Variants in SKA3 observed in about 807,000 individuals in gnomAD.
SKA3 encodes the protein spindle and kinetochore associated complex subunit 3, also known as spindle and kinetochore-associated protein 3.
SKA3 carries 39 observed loss-of-function variants against 44.2 expected under a neutral mutation model. The ratio of observed to expected loss-of-function variants is 0.88; its 90% CI spans 0.68 to 1.15. SKA3 has a LOEUF of 1.15. Among genes scored for constraint, SKA3 ranks in the 50% most tolerant of loss-of-function variants. SKA3 has a pLI of 0.00. For missense variants in SKA3, 511 were observed against 485.8 expected, an observed-to-expected ratio of 1.05 and a Z score of -0.49; for synonymous variants, 192 against 172.0, an observed-to-expected ratio of 1.12 and a Z score of -0.91.
chr13:21,154,789 G>T lies in SKA3; in HGVS notation c.*361C>A. 2.9e-6 allele frequency: 1 copy of T among 347,324 alleles called. No individual in the cohort carries two copies. Among genetic ancestry groups the T allele is most frequent in the Non-Finnish European group, 5.4e-6 (1 of 184,224 alleles). The allele number at this position is 347,324 out of a possible 1,614,324, so 21.5% of individuals were successfully genotyped here. On this transcript the variant is annotated 3_prime_UTR_variant, in exon 9 of 9. Transcript: ENST00000314759. ...GCTGGCTGGCAGCAATGTCTCTCTGGCCAGAAGGTCAGGGGCGGCCTCATC... is the reference window on the plus strand; with the variant it reads ...GCTGGCTGGCAGCAATGTCTCTCTGTCCAGAAGGTCAGGGGCGGCCTCATC...
At chr13:21,175,834 G>A (rs1457207653) in intron 1 of SKA3, among the ~76,000 whole-genome samples, 1 of 152,090 alleles carries the variant, frequency 6.6e-6, no homozygotes, top group Non-Finnish European at 1.5e-5. Flanking sequence ...ATGGTTTAGC[G>A]GGAAAAACAC....
At position 21,158,145 on chromosome 13, in the gene SKA3, C is replaced by T; in HGVS notation, c.916-20G>A. ...GGATACCTATTGAATAAAAATAGAC[C>T]ATTAAATTATGGTAATATAACATAA... On this transcript the variant is annotated intron_variant, in intron 6 of 8. Coordinates refer to ENST00000314759, the MANE Select transcript of SKA3 (RefSeq NM_145061.6). 1 of 1,096,342 alleles carries T rather than the reference C, an allele frequency of 9.1e-7. No homozygotes were observed. Among genetic ancestry groups the T allele is most frequent in the African/African-American group, 1.5e-5 (1 of 66,430 alleles). 67.9% of individuals were successfully genotyped at this position (1,096,342 alleles called of 1,614,324 possible).
At chr13:21,161,139 T>G (rs1005111524) in intron 5 of SKA3, among the ~76,000 whole-genome samples, 2 of 152,000 alleles carry the variant, frequency 1.3e-5, no homozygotes, top group African/African-American at 2.4e-5. Context: ...AAAAATTAGC[T>G]GGACGTCGTG....
chr13:21,168,111 G>A lies in SKA3; in HGVS notation c.620C>T (p.Ala207Val). The A allele has an allele frequency of 6.2e-7, 1 of 1,614,186 alleles. No homozygotes were observed. The highest frequency in any genetic ancestry group is 8.5e-7 in the Non-Finnish European group (1 of 1,180,032). The stretch of plus-strand genomic sequence containing the variant: ...ACACTCAAAATCATCCATTTTTAGT[G>A]CACATTTTGGAGTTTTTAGTACTTT... Reference protein sequence around the residue: ...LVKVLKTPKCALKMDDFECVT... With the variant: ...LVKVLKTPKCVLKMDDFECVT... Residue 207 changes from alanine (A) to valine (V), a missense_variant, in exon 4 of 9, where the codon GCA becomes GTA. Ala to Val is a moderately conservative substitution (Grantham distance 64, BLOSUM62 0). Transcript: ENST00000314759.
At position 21,153,761 on chromosome 13, in the gene SKA3, T is replaced by C. The variant is rs1487603965; in HGVS notation, c.*1389A>G. The C allele has an allele frequency of 6.6e-6, 1 of 152,322 alleles. No individual in the cohort carries two copies. Among genetic ancestry groups the C allele is most frequent in the East Asian group, 1.9e-4 (1 of 5,202 alleles). 9.4% of individuals were successfully genotyped at this position (152,322 alleles called of 1,614,324 possible). On this transcript the variant is annotated 3_prime_UTR_variant, in exon 9 of 9. Coordinates refer to ENST00000314759, the MANE Select transcript of SKA3 (RefSeq NM_145061.6). ...GAGAACTCCAGGATTTGGTCCTTGG[T>C]ACACTTTGAATATATTCCCTCCCTA...
At position 21,167,902 on chromosome 13, in the gene SKA3, CATTTT is replaced by C. The variant is rs139383013; in HGVS notation, c.743+81_743+85del. 3.9e-4 allele frequency: 454 copies of C among 1,160,060 alleles called. 1 individual carries two copies. The African/African-American group carries it at 6.9e-3, about 18-fold the overall frequency. 71.9% of individuals were successfully genotyped at this position (1,160,060 alleles called of 1,614,324 possible). ...CTTTTTAAAGCAAAAATGTCTGAAA[CATTTT>C]ATTTCTTCTGGAAAAAAAATCAATA... On this transcript the variant is annotated intron_variant, in intron 4 of 8. Transcript: ENST00000314759.
chr13:21,167,856 A>T, intron 4 of SKA3, 132 bp downstream of exon 4: 2 of 657,118 alleles, frequency 3.0e-6, no homozygotes, highest in Non-Finnish European at 4.5e-6. Flanking sequence ...GAAATAAAAT[A>T]AATAAATAAA....
chr13:21,165,974 C>A (rs7988746), intron 4 of SKA3, among the ~76,000 whole-genome samples: 2 of 151,992 alleles, frequency 1.3e-5, no homozygotes, highest in Non-Finnish European at 2.9e-5. Context: ...GAAAGGATTC[C>A]TCCAGAACAC....
At chr13:21,171,561 T>A (rs1169042874) in intron 3 of SKA3, among the ~76,000 whole-genome samples, 3 of 145,492 alleles carry the variant, frequency 2.1e-5, no homozygotes, top group Non-Finnish European at 4.5e-5. Flanking sequence ...CGAGACTCCA[T>A]CTCAAAAAAA....
In SKA3 at chr13:21,168,041, C is replaced by T. The variant is rs373995994; in HGVS notation, c.690G>A (p.Met230Ile). The part of the protein sequence containing the change: ...LEHFGISEYT[M>I]CLNEDYTMGL... ...CCATTGTGTAATCTTCATTTAAACACATAGTATATTCAGAGATACCAAAGT... is the reference window on the plus strand; with the variant it reads ...CCATTGTGTAATCTTCATTTAAACATATAGTATATTCAGAGATACCAAAGT... The change falls in exon 4 of 9, where the codon ATG (methionine) becomes ATA (isoleucine). Residue 230 changes from methionine (M) to isoleucine (I), a missense_variant. Physicochemically the swap from Met to Ile is conservative, Grantham distance 10 (BLOSUM62 1). Transcript: ENST00000314759. 3.1e-6 allele frequency: 5 copies of T among 1,610,294 alleles called. No homozygotes were observed. The African/African-American group carries it at 4.0e-5, about 13-fold the overall frequency.
chr13:21,158,096 T>G lies in SKA3; in HGVS notation c.945A>C (p.Thr315=). The change falls in exon 7 of 9, where the codon ACA becomes ACC. Residue 315 remains threonine (T), a synonymous_variant. Transcript: ENST00000314759. ...CTTCCAAATCATTTGATGAACTATT[T>G]GTTTTTGATAATGGGTAATTTGTGG... ...LVSTNYPLSK[T]NSSSNDLEVE... is the part of the protein sequence containing the mutation. 1 of 1,611,138 alleles carries G rather than the reference T, an allele frequency of 6.2e-7. No homozygotes were observed. The highest frequency in any genetic ancestry group is 8.5e-7 in the Non-Finnish European group (1 of 1,177,442).
At chr13:21,174,353 T>C (rs1170704882) in intron 1 of SKA3, among the ~76,000 whole-genome samples, 6 of 152,158 alleles carry the variant, frequency 3.9e-5, no homozygotes, top group Non-Finnish European at 7.4e-5. Flanking sequence ...TGTCCATCAA[T>C]GATAGACTGG....
intron 7 of SKA3, 104 bp downstream of exon 7, chr13:21,157,818 C>T: frequency 2.6e-6 from 2 of 783,718 alleles, no homozygotes; most frequent in Non-Finnish European, 2.0e-6. Flanking sequence ...AGCACACTAG[C>T]CCAATGATAA....
intron 4 of SKA3, among the ~76,000 whole-genome samples, chr13:21,164,316 A>G (rs1870592715): frequency 6.6e-6 from 1 of 152,206 alleles, no homozygotes; most frequent in South Asian, 2.1e-4. Context: ...ATGTCATGCC[A>G]TAATTTATCT....
Position 21,168,156 on chromosome 13 carries a change from G to C in SKA3, c.575C>G (p.Pro192Arg), listed in dbSNP as rs775366948. 2 of 1,614,142 alleles carry C rather than the reference G, an allele frequency of 1.2e-6. No individual in the cohort carries two copies. The highest frequency in any genetic ancestry group is 1.1e-5 in the South Asian group (1 of 91,082). ...YKEEPVIVTP[P>R]TKQSLVKVLK... ...TACTTTTACTAGTGATTGTTTGGTA[G>C]GTGGGGTTACAATTACGGGCTCTTC... Residue 192 changes from proline to arginine, a missense_variant, in exon 4 of 9, where the codon CCT (proline) becomes CGT (arginine). Physicochemically the swap from Pro to Arg is moderately radical, Grantham distance 103. Transcript: ENST00000314759.
At chr13:21,173,049 A>G (rs1214371211) in intron 1 of SKA3, among the ~76,000 whole-genome samples, 1 of 152,210 alleles carries the variant, frequency 6.6e-6, no homozygotes. Flanking sequence ...CGTTGCTCAG[A>G]ATGTATCCCC....
chr13:21,159,860 TTTAGGAGAAAGACTGTGGCTTTC>T lies in SKA3; in HGVS notation c.915+19_915+41del. 4.0e-6 allele frequency: 6 copies of T among 1,497,734 alleles called. No homozygotes were observed. The highest frequency in any genetic ancestry group is 5.5e-6 in the Non-Finnish European group (6 of 1,093,464). The allele number at this position is 1,497,734 out of a possible 1,614,324, so 92.8% of individuals were successfully genotyped here. ...CTGCAAGCAGTAGTGTATTTGAGTC[TTTAGGAGAAAGACTGTGGCTTTC>T]AATTTTATGGAAAGTTACCAAAGCT... On this transcript the variant is annotated intron_variant, in intron 6 of 8. Coordinates refer to ENST00000314759, the MANE Select transcript of SKA3 (RefSeq NM_145061.6).
rs2137374470 is a variant in SKA3, at chr13:21,168,046, T to C, written c.685A>G (p.Thr229Ala). Residue 229 changes from threonine to alanine, a missense_variant, in exon 4 of 9, where the codon ACT becomes GCT. Transcript: ENST00000314759. The stretch of plus-strand genomic sequence containing the variant: ...GTGTAATCTTCATTTAAACACATAG[T>C]ATATTCAGAGATACCAAAGTGTTCT... ...KLEHFGISEYTMCLNEDYTMG... is the reference protein window; with the variant it reads ...KLEHFGISEYAMCLNEDYTMG... 2.5e-6 allele frequency: 4 copies of C among 1,612,370 alleles called. No individual in the cohort carries two copies. The highest frequency in any genetic ancestry group is 4.5e-5 in the East Asian group (2 of 44,866).
At chr13:21,170,909 T>TTGTA (rs74392336) in intron 3 of SKA3, among the ~76,000 whole-genome samples, 19,199 of 150,516 alleles carry the variant, frequency 0.13, 1,299 homozygotes, top group Middle Eastern at 0.21. Flanking sequence ...TATGGGTTGT[T>TTGTA]TGTATGTATG....
Sources: gnomAD v4.1 joint callset for allele counts (sites outside exome capture counted in the v4.1 genomes callset) on GRCh38, gnomAD v4.1.1 for gene constraint, MANE v1.5 for transcripts, NCBI Gene and HGNC (gene_info 2026-07-23, HGNC 2026-07-21) for gene names.